Variants in C12orf42 observed in about 807,000 individuals in gnomAD.
C12orf42 encodes chromosome 12 open reading frame 42, also known as uncharacterized protein C12orf42.
C12orf42 carries 25 observed loss-of-function variants against 21.6 expected under a neutral mutation model. The observed-to-expected ratio is 1.16, with a 90% CI of 0.84 to 1.62. The LOEUF is 1.62. Ranked by LOEUF, C12orf42 falls within the 40% of genes most tolerant of loss-of-function variation. The pLI is 0.00. For synonymous variants in C12orf42, 174 were observed against 175.0 expected (o/e 0.99, Z 0.05); for missense variants, 483 against 459.3 (o/e 1.05, Z -0.47).
chr12:103,507,229 AT>A, the C12orf42 span, among the ~76,000 whole-genome samples: 126 of 47,808 alleles, frequency 2.6e-3, 18 homozygotes, highest in African/African-American at 0.016. Context: ...ATAAATATAA[AT>A]ATATATATAT....
intron 4 of C12orf42, among the ~76,000 whole-genome samples, chr12:103,320,160 C>T (rs910161836): frequency 1.1e-4 from 16 of 152,138 alleles, no homozygotes; most frequent in Admixed American, 4.6e-4. Flanking sequence ...GTGATGATAT[C>T]CTCTTTCAAC....
chr12:103,068,888 T>C, the C12orf42 span, among the ~76,000 whole-genome samples: 1 of 129,816 alleles, frequency 7.7e-6, no homozygotes, highest in African/African-American at 2.9e-5. Flanking sequence ...TATATATATA[T>C]AGATAGATAG....
At chr12:103,400,284 T>A (rs2047887643) in intron 3 of C12orf42, among the ~76,000 whole-genome samples, 1 of 152,200 alleles carries the variant, frequency 6.6e-6, no homozygotes, top group Non-Finnish European at 1.5e-5. Context: ...AGAGGCATCA[T>A]CTTGCTGCAG....
At chr12:103,057,465 T>G in the C12orf42 span, among the ~76,000 whole-genome samples, 1 of 152,134 alleles carries the variant, frequency 6.6e-6, no homozygotes, top group East Asian at 1.9e-4. Context: ...GGTTTTCTAT[T>G]CCTATATTAC....
the C12orf42 span, among the ~76,000 whole-genome samples, chr12:103,561,336 A>G: frequency 6.6e-6 from 1 of 152,156 alleles, no homozygotes; most frequent in Non-Finnish European, 1.5e-5. Context: ...AATTACCATC[A>G]ACTGGGTAGC....
intron 4 of C12orf42, chr12:103,368,185 C>T (rs1402148244): frequency 1.3e-5 from 7 of 555,834 alleles, no homozygotes; most frequent in African/African-American, 1.9e-5. Context: ...ATAACTAATA[C>T]AATTATATAT....
chr12:103,269,169 T>G (rs1050214456), intron 6 of C12orf42, among the ~76,000 whole-genome samples: 1 of 152,168 alleles, frequency 6.6e-6, no homozygotes, highest in Non-Finnish European at 1.5e-5. Context: ...CAAAATGAAG[T>G]GCTATTTTAA....
chr12:103,148,488 G>A, the C12orf42 span, among the ~76,000 whole-genome samples: 1 of 152,242 alleles, frequency 6.6e-6, no homozygotes, highest in African/African-American at 2.4e-5. Flanking sequence ...CTTACATCAT[G>A]ATGGTCTAGT....
At chr12:103,483,381 A>T (rs908575971) in intron 1 of C12orf42, among the ~76,000 whole-genome samples, 1 of 152,200 alleles carries the variant, frequency 6.6e-6, no homozygotes, top group Non-Finnish European at 1.5e-5. Flanking sequence ...CTAAAAAAAT[A>T]AAAAATTTAA....
At chr12:103,118,551 C>T in the C12orf42 span, among the ~76,000 whole-genome samples, 2 of 152,048 alleles carry the variant, frequency 1.3e-5, no homozygotes, top group African/African-American at 2.4e-5. Context: ...GTAATCCCAG[C>T]ACTTTGGGAG....
intron 2 of C12orf42, among the ~76,000 whole-genome samples, chr12:103,453,310 A>C (rs1267170737): frequency 1.3e-5 from 2 of 151,692 alleles, no homozygotes; most frequent in African/African-American, 4.8e-5. Flanking sequence ...TTATTCTAGA[A>C]TTTTTTCATT....
chr12:103,380,022 T>TA (rs1452785420), intron 3 of C12orf42, among the ~76,000 whole-genome samples: 1 of 152,188 alleles, frequency 6.6e-6, no homozygotes, highest in East Asian at 1.9e-4. Flanking sequence ...AGGCCTTACG[T>TA]AAGTGTATCT....
intron 2 of C12orf42, among the ~76,000 whole-genome samples, chr12:103,449,094 G>GATAT (rs1344005971): frequency 6.7e-6 from 1 of 150,218 alleles, no homozygotes; most frequent in African/African-American, 2.5e-5. Context: ...TAGATAGATA[G>GATAT]ATAGATAGAT....
At chr12:103,189,251 G>A in the C12orf42 span, among the ~76,000 whole-genome samples, 1 of 152,178 alleles carries the variant, frequency 6.6e-6, no homozygotes, top group Admixed American at 6.5e-5. Flanking sequence ...TTATTTTGAG[G>A]GTTCAGAGTG....
the C12orf42 span, among the ~76,000 whole-genome samples, chr12:103,086,604 T>C: frequency 6.6e-6 from 1 of 151,460 alleles, no homozygotes; most frequent in Non-Finnish European, 1.5e-5. Flanking sequence ...CCTGAAAACA[T>C]GTTTTGGAGG....
At chr12:103,353,741 T>C (rs2043293218) in intron 4 of C12orf42, among the ~76,000 whole-genome samples, 1 of 152,060 alleles carries the variant, frequency 6.6e-6, no homozygotes, top group Non-Finnish European at 1.5e-5. Flanking sequence ...ACAGGAGGGA[T>C]GGAAAAATCC....
the C12orf42 span, among the ~76,000 whole-genome samples, chr12:103,548,311 A>T: frequency 2.6e-5 from 4 of 152,392 alleles, no homozygotes; most frequent in African/African-American, 9.6e-5. Flanking sequence ...TAACGCAGAT[A>T]AGGCAGCTAC....
the C12orf42 span, among the ~76,000 whole-genome samples, chr12:103,546,779 G>A: frequency 1.3e-5 from 2 of 152,270 alleles, no homozygotes; most frequent in East Asian, 3.9e-4. Flanking sequence ...AGAAACAGCA[G>A]GTGAAGGAAA....
chr12:103,381,261 T>A (rs913609818), intron 3 of C12orf42, among the ~76,000 whole-genome samples: 2 of 152,200 alleles, frequency 1.3e-5, no homozygotes, highest in Non-Finnish European at 2.9e-5. Flanking sequence ...TAAGACAGTA[T>A]GGAGAATCCA....
Sources: gnomAD v4.1 joint callset for allele counts (sites outside exome capture counted in the v4.1 genomes callset) on GRCh38, gnomAD v4.1.1 for gene constraint, MANE v1.5 for transcripts, NCBI Gene and HGNC (gene_info 2026-07-23, HGNC 2026-07-21) for gene names.